Variants in POLQ observed in about 807,000 individuals in gnomAD.
The protein encoded by POLQ is DNA polymerase theta.
Under a neutral mutation model 259.2 loss-of-function variants are expected in POLQ, and 233 were observed. That is an observed-to-expected ratio of 0.90 (90% CI 0.81 to 1.00). The LOEUF is 1.00. POLQ is among the 50% of genes least tolerant of loss of function. The probability of loss-of-function intolerance (pLI) is 0.00; values close to 1 mark genes in which losing one functional copy is unlikely to be tolerated. For synonymous variants in POLQ, 1,025 were observed against 1,048.8 expected (o/e 0.98, Z 0.44); for missense variants, 2,871 against 3,051.6 (o/e 0.94, Z 1.39).
chr3:121,472,979 G>A (rs956420787), intron 21 of POLQ, among the ~76,000 whole-genome samples: 10 of 152,136 alleles, frequency 6.6e-5, no homozygotes, highest in Admixed American at 2.0e-4. Flanking sequence ...ATCCCAGCAC[G>A]TTGGGAGGCT....
rs764336595 is a variant in POLQ at position 121,544,918 on chromosome 3, A to C, written c.164-12T>G. On this transcript the variant is annotated splice_polypyrimidine_tract_variant and intron_variant, in intron 1 of 29. Transcript: ENST00000264233. Reference sequence around the variant, plus strand: ...AGGCTTGCATTCTCCTTTTAGGAAAAAGAAAAAATTAAAATTTAATTTACT... The same window carrying C: ...AGGCTTGCATTCTCCTTTTAGGAAACAGAAAAAATTAAAATTTAATTTACT... 2.6e-6 allele frequency: 4 copies of C among 1,541,626 alleles called. No homozygotes were observed. In the African/African-American group the frequency reaches 5.5e-5, roughly 21 times the overall value.
At position 121,431,754 on chromosome 3, in the gene POLQ, T is replaced by C. The variant is rs1015839426; in HGVS notation, c.*550A>G. 1.3e-5 allele frequency: 2 copies of C among 152,660 alleles called. No individual in the cohort carries two copies. The highest frequency in any genetic ancestry group is 2.9e-5 in the Non-Finnish European group (2 of 68,062). The allele number at this position is 152,660 out of a possible 1,614,324, so 9.5% of individuals were successfully genotyped here. On this transcript the variant is annotated 3_prime_UTR_variant, in exon 30 of 30. Coordinates refer to ENST00000264233, the MANE Select transcript of POLQ (RefSeq NM_199420.4). ...ATTTCATGAATATTCATTCCTACAC[T>C]CCAACCATACCAAGTCTTACTACTT...
At chr3:121,456,489 G>T (rs1463537930) in intron 25 of POLQ, among the ~76,000 whole-genome samples, 2 of 152,184 alleles carry the variant, frequency 1.3e-5, no homozygotes, top group Non-Finnish European at 2.9e-5. Flanking sequence ...AAACCCCATT[G>T]TCTCAGCCCA....
chr3:121,533,191 A>C lies in POLQ; in HGVS notation c.759T>G (p.Ser253Arg), dbSNP rs777349414. 2 of 1,598,688 alleles carry C rather than the reference A, an allele frequency of 1.3e-6. No homozygotes were observed. Among genetic ancestry groups the C allele is most frequent in the Admixed American group, 3.5e-5 (2 of 57,218 alleles). ...KSASCQADLA[S>R]SLSNAVQIVG... ...CGATTTGCACAGCATTAGACAGAGA[A>C]CTGGCTAGATCTGCCTGACTGTAAA... is the stretch of plus-strand genomic sequence containing the variant. The change falls in exon 6 of 30, where the codon AGT (serine) becomes AGG (arginine). Residue 253 changes from serine to arginine, a missense_variant. By Grantham distance (110) the Ser-to-Arg change is moderately radical. Transcript: ENST00000264233.
At chr3:121,530,618 AACAT>A (rs2048404423) in intron 6 of POLQ, among the ~76,000 whole-genome samples, 2 of 152,216 alleles carry the variant, frequency 1.3e-5, no homozygotes, top group African/African-American at 4.8e-5. Flanking sequence ...AAGGTGGGGA[AACAT>A]TATCTCAAAG....
In POLQ at chr3:121,490,028, G is replaced by A. The variant is rs768265300; in HGVS notation, c.2903C>T (p.Ser968Phe). The A allele has an allele frequency of 5.7e-6, 9 of 1,571,214 alleles. No homozygotes were observed. In the Admixed American group the frequency reaches 1.8e-4, roughly 32 times the overall value. The change falls in exon 16 of 30, where the codon TCC becomes TTC. Residue 968 changes from serine to phenylalanine, a missense_variant. This residue lies in a region of POLQ where 2,080 missense variants were observed against 2,126.0 expected (regional missense o/e 0.98). Transcript: ENST00000264233. Reference sequence around the variant, plus strand: ...CCCATTCTGGAAATTACAATTAAAGGAACTTGTATGCTCTCTACTTTTATT... The same window carrying A: ...CCCATTCTGGAAATTACAATTAAAGAAACTTGTATGCTCTCTACTTTTATT... ...DLNKSREHTS[S>F]FNCNFQNGNQ...
At chr3:121,443,684 C>T (rs948084852) in intron 26 of POLQ, among the ~76,000 whole-genome samples, 2 of 152,190 alleles carry the variant, frequency 1.3e-5, no homozygotes, top group African/African-American at 4.8e-5. Context: ...GACTGATATA[C>T]TGGAGAGTTT....
intron 29 of POLQ, 25 bp from the exon 30 acceptor site, chr3:121,432,442 A>G: frequency 6.3e-7 from 1 of 1,597,792 alleles, no homozygotes; most frequent in Non-Finnish European, 8.5e-7. Context: ...AATGTAGTTA[A>G]CAAACTGCCC....
chr3:121,449,236 GAAAATT>G lies in POLQ; in HGVS notation c.7264+73_7264+78del, dbSNP rs2047653641. 9.4e-6 allele frequency: 7 copies of G among 744,724 alleles called. No homozygotes were observed. In the South Asian group the frequency reaches 1.3e-4, roughly 14 times the overall value. The allele number at this position is 744,724 out of a possible 1,614,324, so 46.1% of individuals were successfully genotyped here. ...CTTCTGACTAATTGATATTTCAAAA[GAAAATT>G]CCATTACACAAATTTTTAAAAATAT... On this transcript the variant is annotated intron_variant, in intron 26 of 29. Coordinates refer to ENST00000264233, the MANE Select transcript of POLQ (RefSeq NM_199420.4).
chr3:121,469,792 T>G (rs1316300910), intron 22 of POLQ, among the ~76,000 whole-genome samples: 1 of 152,202 alleles, frequency 6.6e-6, no homozygotes, highest in African/African-American at 2.4e-5. Context: ...ATTCATGAAA[T>G]GGCTTTGCTA....
chr3:121,456,443 G>C (rs991445195), intron 25 of POLQ, among the ~76,000 whole-genome samples: 2 of 152,126 alleles, frequency 1.3e-5, no homozygotes, highest in Non-Finnish European at 2.9e-5. Flanking sequence ...AAGTCAAATT[G>C]TCCCTGTTTG....
At chr3:121,501,235 C>T (rs1290374266) in intron 12 of POLQ, among the ~76,000 whole-genome samples, 3 of 151,740 alleles carry the variant, frequency 2.0e-5, no homozygotes, top group Non-Finnish European at 4.4e-5. Flanking sequence ...GCTGGGATTA[C>T]AGGCATGAGC....
chr3:121,460,974 A>T (rs1445651615), intron 24 of POLQ, among the ~76,000 whole-genome samples: 1 of 152,222 alleles, frequency 6.6e-6, no homozygotes, highest in Non-Finnish European at 1.5e-5. Context: ...TTACTTGTGG[A>T]GGAAAAGACA....
In POLQ at chr3:121,471,519, A is replaced by C. The variant is rs539523385; in HGVS notation, c.6718+471T>G. 3.5e-4 allele frequency among the ~76,000 whole-genome samples: 54 copies of C among 152,278 alleles called. No homozygotes were observed. In the South Asian group the frequency reaches 0.011, roughly 30 times the overall value. On this transcript the variant is annotated intron_variant, in intron 22 of 29. Coordinates refer to ENST00000264233, the MANE Select transcript of POLQ (RefSeq NM_199420.4). ...CACTTTGGGAGGCCGAGGCAGGTGGATCACCTGAGGTCAGGAGTTCGAGAC... is the reference window on the plus strand; with the variant it reads ...CACTTTGGGAGGCCGAGGCAGGTGGCTCACCTGAGGTCAGGAGTTCGAGAC...
chr3:121,486,332 C>T (rs546010213), intron 16 of POLQ, among the ~76,000 whole-genome samples: 2 of 152,038 alleles, frequency 1.3e-5, no homozygotes, highest in Middle Eastern at 3.2e-3. Flanking sequence ...GGGTGGATCA[C>T]GAGGTCAGGG....
chr3:121,444,994 A>G (rs1022366416), intron 26 of POLQ, among the ~76,000 whole-genome samples: 1 of 152,070 alleles, frequency 6.6e-6, no homozygotes, highest in African/African-American at 2.4e-5. Flanking sequence ...GTTGAATTCC[A>G]TTTGTTACTA....
chr3:121,464,617 A>C (rs915097054), intron 24 of POLQ, among the ~76,000 whole-genome samples: 3 of 152,142 alleles, frequency 2.0e-5, no homozygotes, highest in African/African-American at 7.2e-5. Context: ...AACTGTTCTA[A>C]AATCTAAAAC....
Position 121,496,811 on chromosome 3 carries a change from C to A in POLQ, c.2275G>T (p.Ala759Ser), listed in dbSNP as rs1467176430. 2.5e-6 allele frequency: 4 copies of A among 1,611,414 alleles called. No homozygotes were observed. The highest frequency in any genetic ancestry group is 2.5e-6 in the Non-Finnish European group (3 of 1,179,466). The change falls in exon 14 of 30, where the codon GCA (alanine) becomes TCA (serine). Residue 759 changes from alanine (A) to serine (S), a missense_variant. By Grantham distance (99) the Ala-to-Ser change is moderately conservative (BLOSUM62 1). Coordinates refer to ENST00000264233, the MANE Select transcript of POLQ (RefSeq NM_199420.4). ...TGAAACCCTTTGTTTAACTGACCTGCATAAACAGCAGCTGACTGTTGCAAA... is the reference window on the plus strand; with the variant it reads ...TGAAACCCTTTGTTTAACTGACCTGAATAAACAGCAGCTGACTGTTGCAAA... ...QSLQQSAAVY[A>S]GMITVFSNRL... is the part of the protein sequence containing the mutation.
chr3:121,439,275 G>A (rs552915441), intron 27 of POLQ, among the ~76,000 whole-genome samples: 20 of 150,946 alleles, frequency 1.3e-4, no homozygotes, highest in Non-Finnish European at 2.7e-4. Flanking sequence ...CTGCCACCTA[G>A]GCTGGAATAC....
Sources: gnomAD v4.1 joint callset for allele counts (sites outside exome capture counted in the v4.1 genomes callset) on GRCh38, gnomAD v4.1.1 for gene constraint, gnomAD v4.1.1 regional missense constraint, MANE v1.5 for transcripts, NCBI Gene and HGNC (gene_info 2026-07-23, HGNC 2026-07-21) for gene names.